The following CD109 variants were observed in gnomAD, a reference collection of about 807,000 sequenced individuals.
CD109 encodes the protein CD109 molecule, also known as CD109 antigen.
In CD109, 149 loss-of-function variants were observed where a neutral mutation model predicts 165.8. That is an observed-to-expected ratio of 0.90 (90% CI 0.79 to 1.03). CD109 has a LOEUF of 1.03. CD109 is among the 50% of genes least tolerant of loss of function. The pLI, the probability that CD109 is intolerant of heterozygous loss-of-function variation, is 0.00. For missense variants in CD109, 1,712 were observed against 1,677.8 expected (o/e 1.02, Z -0.36); for synonymous variants, 585 against 592.1 (o/e 0.99, Z 0.18).
intron 8 of CD109, 88 bp from the exon 9 acceptor site, chr6:73,762,653 A>G (rs759223728): frequency 1.4e-4 from 155 of 1,097,216 alleles, no homozygotes; most frequent in Admixed American, 3.4e-4. Context: ...TACCAGAGCT[A>G]TCATATTGTT....
chr6:73,739,885 A>G lies in CD109; in HGVS notation c.633+3377A>G, dbSNP rs148731204. On this transcript the variant is annotated intron_variant, in intron 5 of 32. Transcript: ENST00000287097. ...GTATTTTTTAAATTTTTTAATTTGTAAGAGACAGGGTTGTCGTCTGTCACT... is the reference window on the plus strand; with the variant it reads ...GTATTTTTTAAATTTTTTAATTTGTGAGAGACAGGGTTGTCGTCTGTCACT... Among the ~76,000 whole-genome samples the G allele has an allele frequency of 1.2e-3, 190 of 152,256 alleles. 1 individual carries two copies. Among genetic ancestry groups the G allele is most frequent in the Non-Finnish European group, 2.3e-3 (156 of 68,018 alleles).
rs1774037068 is a variant in CD109, at chr6:73,771,581, T to C, written c.1827T>C (p.Asn609=). Residue 609 remains asparagine, a splice_region_variant and synonymous_variant, in exon 15 of 33, where the codon AAT becomes AAC. Transcript: ENST00000287097. Reference sequence around the variant, plus strand: ...CCTCTAATGATATTACAATGGAAAATGTGAGTTTAGCTATTTTTTCATTAT... The same window carrying C: ...CCTCTAATGATATTACAATGGAAAACGTGAGTTTAGCTATTTTTTCATTAT... ...MNASNDITME[N]VVHELELYNT... The C allele has an allele frequency of 1.3e-6, 2 of 1,546,474 alleles. No homozygotes were observed. The highest frequency in any genetic ancestry group is 1.7e-6 in the Non-Finnish European group (2 of 1,149,320).
At chr6:73,756,547 T>A in intron 5 of CD109, 96 bp from the exon 6 acceptor site, 1 of 802,340 alleles carries the variant, frequency 1.2e-6, no homozygotes, top group East Asian at 3.0e-5. Context: ...AATTTAAAAA[T>A]TAATTTTCTA....
chr6:73,728,856 A>G (rs144176569), intron 3 of CD109, among the ~76,000 whole-genome samples: 3 of 152,370 alleles, frequency 2.0e-5, no homozygotes, highest in African/African-American at 4.8e-5. Context: ...AAGTAACTCT[A>G]AAACTTTGCT....
rs1285850889 is a variant in CD109 at position 73,816,342 on chromosome 6, A to T, written c.3911+1219A>T. On this transcript the variant is annotated intron_variant, in intron 30 of 32. Coordinates refer to ENST00000287097, the MANE Select transcript of CD109 (RefSeq NM_133493.5). Reference sequence around the variant, plus strand: ...ACTTCAAGTTATTACTATTATTATAAACAATAACAACCTACAGTAATTACA... The same window carrying T: ...ACTTCAAGTTATTACTATTATTATATACAATAACAACCTACAGTAATTACA... Among the ~76,000 whole-genome samples the T allele has an allele frequency of 3.9e-5, 6 of 152,326 alleles. No individual in the cohort carries two copies. The East Asian group carries it at 9.6e-4, about 24-fold the overall frequency.
chr6:73,787,602 T>C (rs1005551881), intron 21 of CD109, 150 bp downstream of exon 21: 55 of 603,056 alleles, frequency 9.1e-5, no homozygotes, highest in Admixed American at 1.3e-4. Flanking sequence ...CTAATCTGTA[T>C]GTAAAAATAA....
rs116080382 is a variant in CD109, at chr6:73,792,116, C to T, written c.2702-510C>T. Among the ~76,000 whole-genome samples the T allele has an allele frequency of 5.2e-3, 789 of 152,108 alleles. 9 individuals are homozygous for T. Among genetic ancestry groups the T allele is most frequent in the African/African-American group, 0.018 (758 of 41,478 alleles). The stretch of plus-strand genomic sequence containing the variant: ...AATCCTTTTCCGAATCCTTTTGATC[C>T]TGAGATTAATTGAAATACTTATATT... On this transcript the variant is annotated intron_variant, in intron 22 of 32. Coordinates refer to ENST00000287097, the MANE Select transcript of CD109 (RefSeq NM_133493.5).
chr6:73,723,087 A>G, intron 2 of CD109, 164 bp from the exon 3 acceptor site: 2 of 973,320 alleles, frequency 2.1e-6, no homozygotes, highest in Non-Finnish European at 2.4e-6. Context: ...ATATGTAATA[A>G]TTTCTTGGGT....
intron 19 of CD109, 83 bp downstream of exon 19, chr6:73,783,907 G>C (rs1452386236): frequency 2.8e-6 from 2 of 714,864 alleles, no homozygotes; most frequent in Non-Finnish European, 4.8e-6. Flanking sequence ...TTTTTTAAAT[G>C]ACTGCTTATA....
intron 3 of CD109, among the ~76,000 whole-genome samples, chr6:73,729,355 T>C (rs1490934868): frequency 6.6e-6 from 1 of 151,708 alleles, no homozygotes; most frequent in Non-Finnish European, 1.5e-5. Flanking sequence ...TGTGTGTGTG[T>C]GTGTAGTGTG....
chr6:73,686,250 A>C, the CD109 span, among the ~76,000 whole-genome samples: 1 of 152,126 alleles, frequency 6.6e-6, no homozygotes, highest in Non-Finnish European at 1.5e-5. Context: ...GTTCAAATTG[A>C]TGTGTCTCTG....
chr6:73,767,789 G>A (rs1040424357), intron 13 of CD109, among the ~76,000 whole-genome samples: 1 of 152,030 alleles, frequency 6.6e-6, no homozygotes, highest in African/African-American at 2.4e-5. Flanking sequence ...TTTCCCAATG[G>A]TGCCCTGTAT....
chr6:73,803,369 C>A, intron 24 of CD109, 68 bp downstream of exon 24: 3 of 1,120,366 alleles, frequency 2.7e-6, no homozygotes, highest in South Asian at 1.3e-5. Context: ...ACAATAGCCA[C>A]GAAATTGACA....
chr6:73,717,894 C>T (rs1771804647), intron 2 of CD109, among the ~76,000 whole-genome samples: 1 of 150,842 alleles, frequency 6.6e-6, no homozygotes, highest in Non-Finnish European at 1.5e-5. Context: ...GCTGGGATTA[C>T]AGGCGTGAGC....
intron 28 of CD109, 83 bp downstream of exon 28, chr6:73,811,230 TTCA>T: frequency 7.0e-7 from 1 of 1,433,706 alleles, no homozygotes; most frequent in Non-Finnish European, 9.4e-7. Flanking sequence ...ATCTGTTGAT[TTCA>T]ACAAAGACTT....
At chr6:73,752,148 A>G (rs181589559) in intron 5 of CD109, among the ~76,000 whole-genome samples, 137 of 152,314 alleles carry the variant, frequency 9.0e-4, no homozygotes, top group African/African-American at 3.1e-3. Context: ...AACAGAAATA[A>G]TCCAACCAGC....
At chr6:73,804,867 A>G (rs1222016444) in intron 24 of CD109, among the ~76,000 whole-genome samples, 1 of 152,172 alleles carries the variant, frequency 6.6e-6, no homozygotes, top group Non-Finnish European at 1.5e-5. Flanking sequence ...TCTACAAAAT[A>G]ATGGAGCTGG....
intron 5 of CD109, among the ~76,000 whole-genome samples, chr6:73,753,086 G>C (rs1280206515): frequency 6.6e-6 from 1 of 150,878 alleles, no homozygotes; most frequent in Non-Finnish European, 1.5e-5. Flanking sequence ...ACCAAATGTA[G>C]CCTGACACCT....
chr6:73,823,307 T>C, intron 32 of CD109, 151 bp from the exon 33 acceptor site: 1 of 626,324 alleles, frequency 1.6e-6, no homozygotes, highest in Non-Finnish European at 2.7e-6. Flanking sequence ...GGACCACTCT[T>C]GGACATTTCA....
Sources: gnomAD v4.1 joint callset for allele counts (sites outside exome capture counted in the v4.1 genomes callset) on GRCh38, gnomAD v4.1.1 for gene constraint, MANE v1.5 for transcripts, NCBI Gene and HGNC (gene_info 2026-07-23, HGNC 2026-07-21) for gene names.